Variants in NRXN3 observed in about 807,000 individuals in gnomAD.
NRXN3 encodes the protein neurexin III.
In NRXN3, 32 loss-of-function variants were observed where a neutral mutation model predicts 137.6. The ratio of observed to expected loss-of-function variants is 0.23; its 90% CI spans 0.18 to 0.31. The LOEUF (loss-of-function observed/expected upper bound fraction) is 0.31, where lower values mean the gene tolerates loss of function less well. NRXN3 is among the 10% of genes least tolerant of loss of function. The pLI, the probability that NRXN3 is intolerant of heterozygous loss-of-function variation, is 1.00. For synonymous variants in NRXN3, 798 were observed against 784.5 expected, an observed-to-expected ratio of 1.02 and a Z score of -0.29; for missense variants, 1,574 against 2,062.5, an observed-to-expected ratio of 0.76 and a Z score of 4.59.
intron 16 of NRXN3, among the ~76,000 whole-genome samples, chr14:79,618,574 A>G (rs1208053249): frequency 6.6e-6 from 1 of 152,042 alleles, no homozygotes; most frequent in African/African-American, 2.4e-5. Context: ...TACATGTACC[A>G]TATTGTTTTT....
At chr14:78,388,373 C>T (rs2090286305) in intron 4 of NRXN3, among the ~76,000 whole-genome samples, 1 of 152,028 alleles carries the variant, frequency 6.6e-6, no homozygotes, top group South Asian at 2.1e-4. Flanking sequence ...AGTTTGTAAC[C>T]AACATTGAAC....
chr14:79,805,629 G>C (rs186820165), intron 20 of NRXN3, among the ~76,000 whole-genome samples: 1 of 152,028 alleles, frequency 6.6e-6, no homozygotes, highest in Non-Finnish European at 1.5e-5. Flanking sequence ...CATAAAGATT[G>C]GTAAATGACT....
At chr14:78,884,306 C>A (rs563020033) in intron 10 of NRXN3, among the ~76,000 whole-genome samples, 61 of 151,948 alleles carry the variant, frequency 4.0e-4, no homozygotes, top group African/African-American at 1.4e-3. Flanking sequence ...ATTTTTAATC[C>A]TGGGATATGG....
intron 15 of NRXN3, among the ~76,000 whole-genome samples, chr14:79,193,613 A>C (rs1250470261): frequency 6.6e-6 from 1 of 152,192 alleles, no homozygotes; most frequent in Non-Finnish European, 1.5e-5. Context: ...GCCCCTCTCA[A>C]GTGAAATTTT....
chr14:79,274,340 AT>A (rs1212517259), intron 15 of NRXN3, among the ~76,000 whole-genome samples: 19 of 152,228 alleles, frequency 1.2e-4, no homozygotes, highest in African/African-American at 3.9e-4. Context: ...TACCAAAAAA[AT>A]AAAAAGTATT....
At chr14:78,351,863 A>AT (rs1167037031) in intron 4 of NRXN3, among the ~76,000 whole-genome samples, 2 of 127,838 alleles carry the variant, frequency 1.6e-5, no homozygotes, top group African/African-American at 5.8e-5. Context: ...CATAGGTTGT[A>AT]TTTTTTATGC....
At chr14:78,384,232 A>G (rs1411347544) in intron 4 of NRXN3, among the ~76,000 whole-genome samples, 1 of 152,122 alleles carries the variant, frequency 6.6e-6, no homozygotes, top group East Asian at 1.9e-4. Flanking sequence ...TAGATTTAGA[A>G]TTAGGCAAGA....
intron 15 of NRXN3, among the ~76,000 whole-genome samples, chr14:79,184,958 T>C (rs1006694663): frequency 2.0e-5 from 3 of 152,186 alleles, no homozygotes; most frequent in Non-Finnish European, 4.4e-5. Context: ...GTGGCATTTG[T>C]GTCAAATTGA....
At chr14:78,240,598 C>A (rs2066958256) in intron 1 of NRXN3, among the ~76,000 whole-genome samples, 1 of 152,208 alleles carries the variant, frequency 6.6e-6, no homozygotes, top group Non-Finnish European at 1.5e-5. Context: ...CCCGTTAAAA[C>A]CCATTTCTCA....
At chr14:79,628,674 A>G (rs2153927823) in intron 16 of NRXN3, among the ~76,000 whole-genome samples, 1 of 152,306 alleles carries the variant, frequency 6.6e-6, no homozygotes, top group South Asian at 2.1e-4. Context: ...AAAGCATGGT[A>G]CCTGAGATCA....
intron 1 of NRXN3, among the ~76,000 whole-genome samples, chr14:78,184,713 C>T (rs1426201010): frequency 6.6e-6 from 1 of 152,204 alleles, no homozygotes; most frequent in African/African-American, 2.4e-5. Context: ...AGCTCACCTC[C>T]AGCGTAGAGA....
At chr14:78,249,042 G>A (rs1051318291) in intron 2 of NRXN3, among the ~76,000 whole-genome samples, 5 of 152,182 alleles carry the variant, frequency 3.3e-5, no homozygotes, top group East Asian at 3.9e-4. Context: ...CAGAGCAGCC[G>A]CCTGCCACTT....
intron 15 of NRXN3, among the ~76,000 whole-genome samples, chr14:79,120,793 G>A (rs779539662): frequency 6.6e-6 from 1 of 152,094 alleles, no homozygotes; most frequent in African/African-American, 2.4e-5. Flanking sequence ...ACTATGTGTT[G>A]TTCAACATAC....
In NRXN3 at chr14:79,686,448, G is replaced by C. The variant is rs1344261378; in HGVS notation, c.3617-5725G>C. On this transcript the variant is annotated intron_variant, in intron 17 of 20. Coordinates refer to ENST00000335750, the MANE Select transcript of NRXN3 (RefSeq NM_001330195.2). Reference sequence around the variant, plus strand: ...AAAGAACTTTCTTTTCTAAGCCTTAGGTGAGTGTTAGGGAAGGATCCTAAG... The same window carrying C: ...AAAGAACTTTCTTTTCTAAGCCTTACGTGAGTGTTAGGGAAGGATCCTAAG... Among the ~76,000 whole-genome samples the C allele has an allele frequency of 2.0e-5, 3 of 152,086 alleles. No individual in the cohort carries two copies. In the East Asian group the frequency reaches 5.8e-4, roughly 29 times the overall value.
chr14:78,412,738 A>G (rs2092907235), intron 4 of NRXN3, among the ~76,000 whole-genome samples: 1 of 152,172 alleles, frequency 6.6e-6, no homozygotes, highest in East Asian at 1.9e-4. Flanking sequence ...CTGTGGTTTC[A>G]TGGTATGATC....
intron 4 of NRXN3, among the ~76,000 whole-genome samples, chr14:78,590,112 A>G (rs77591320): frequency 0.028 from 4,239 of 152,322 alleles, 64 homozygotes; most frequent in African/African-American, 0.031. Context: ...GACTCAGGCT[A>G]TGAAGGGTCC....
chr14:78,435,715 A>G (rs1290824431), intron 4 of NRXN3, among the ~76,000 whole-genome samples: 1 of 152,182 alleles, frequency 6.6e-6, no homozygotes, highest in Non-Finnish European at 1.5e-5. Context: ...TTGCCAGGCA[A>G]AGAACAATGC....
intron 10 of NRXN3, among the ~76,000 whole-genome samples, chr14:78,861,241 TA>T (rs2099071545): frequency 6.6e-6 from 1 of 152,136 alleles, no homozygotes; most frequent in Non-Finnish European, 1.5e-5. Context: ...AAATAACAAT[TA>T]TAGGCTTTGT....
chr14:78,297,888 A>G (rs1387039503), intron 4 of NRXN3, 28 bp downstream of exon 4: 1 of 1,536,074 alleles, frequency 6.5e-7, no homozygotes, highest in South Asian at 1.2e-5. Context: ...GTGGTCCTGC[A>G]GCTGCCTGAA....
Sources: gnomAD v4.1 joint callset for allele counts (sites outside exome capture counted in the v4.1 genomes callset) on GRCh38, gnomAD v4.1.1 for gene constraint, MANE v1.5 for transcripts, NCBI Gene and HGNC (gene_info 2026-07-23, HGNC 2026-07-21) for gene names.